The following EEFSEC variants were observed in gnomAD, a reference collection of about 807,000 sequenced individuals.
The protein encoded by EEFSEC is eukaryotic elongation factor, selenocysteine-tRNA specific.
A neutral mutation model predicts 42.1 loss-of-function variants in EEFSEC; 43 were observed. The observed-to-expected ratio is 1.02, with a 90% CI of 0.80 to 1.32. The LOEUF (loss-of-function observed/expected upper bound fraction) is 1.32. Among genes scored for constraint, EEFSEC ranks in the 40% most tolerant of loss-of-function variants. EEFSEC has a pLI of 0.00. For synonymous variants in EEFSEC, 354 were observed against 339.1 expected, an observed-to-expected ratio of 1.04 and a Z score of -0.48; for missense variants, 745 against 803.6, an observed-to-expected ratio of 0.93 and a Z score of 0.88.
rs188947183 is a variant in EEFSEC at position 128,391,117 on chromosome 3, G to A, written c.1601-16952G>A. Among the ~76,000 whole-genome samples the A allele has an allele frequency of 2.0e-5, 3 of 152,352 alleles. No individual in the cohort carries two copies. The East Asian group carries it at 5.8e-4, about 29-fold the overall frequency. On this transcript the variant is annotated intron_variant, in intron 6 of 6. Coordinates refer to ENST00000254730, the MANE Select transcript of EEFSEC (RefSeq NM_021937.5). Reference sequence around the variant, plus strand: ...CCTGCGTGATTCCCTCACCTCTGCAGCCCCGCCCCCGGTGCATGCCTGCAT... The same window carrying A: ...CCTGCGTGATTCCCTCACCTCTGCAACCCCGCCCCCGGTGCATGCCTGCAT...
At chr3:128,358,156 C>T in intron 5 of EEFSEC, 61 bp from the exon 6 acceptor site, 1 of 1,580,654 alleles carries the variant, frequency 6.3e-7, no homozygotes, top group Non-Finnish European at 8.6e-7. Context: ...GGCACACAGT[C>T]ACAGCTCTTT....
At chr3:128,375,311 G>A (rs1350444764) in intron 6 of EEFSEC, among the ~76,000 whole-genome samples, 2 of 152,176 alleles carry the variant, frequency 1.3e-5, no homozygotes, top group Non-Finnish European at 1.5e-5. Flanking sequence ...CTCTTCATGT[G>A]CCATCTTCCA....
intron 1 of EEFSEC, among the ~76,000 whole-genome samples, chr3:128,210,354 A>G (rs2065743666): frequency 2.0e-5 from 3 of 152,198 alleles, no homozygotes; most frequent in Admixed American, 6.5e-5. Context: ...TTCTGCAGGA[A>G]GTCAGTATGT....
At chr3:128,191,460 T>A (rs538824702) in intron 1 of EEFSEC, among the ~76,000 whole-genome samples, 14 of 152,196 alleles carry the variant, frequency 9.2e-5, no homozygotes, top group Admixed American at 5.2e-4. Flanking sequence ...GTATTTTTTT[T>A]ATTATGGTAA....
At chr3:128,259,382 A>G (rs957962293) in intron 2 of EEFSEC, among the ~76,000 whole-genome samples, 1 of 152,256 alleles carries the variant, frequency 6.6e-6, no homozygotes, top group Non-Finnish European at 1.5e-5. Context: ...AATGCAATAC[A>G]AATTAAAATG....
Position 128,394,630 on chromosome 3 carries a change from GTGTT to G in EEFSEC, c.1601-13436_1601-13433del, listed in dbSNP as rs537684908. 3.1e-3 allele frequency among the ~76,000 whole-genome samples: 478 copies of G among 152,316 alleles called. 5 individuals carry two copies. The highest frequency in any genetic ancestry group is 0.018 in the East Asian group (94 of 5,186). On this transcript the variant is annotated intron_variant, in intron 6 of 6. Transcript: ENST00000254730. Reference sequence around the variant, plus strand: ...AAGAGTATACACATTTAGGGAGTGAGTGTTTGGAGTATTAAAATTCGGCTCCCTT... The same window carrying G: ...AAGAGTATACACATTTAGGGAGTGAGTGGAGTATTAAAATTCGGCTCCCTT...
intron 5 of EEFSEC, among the ~76,000 whole-genome samples, chr3:128,345,829 T>C (rs1160077704): frequency 2.0e-5 from 3 of 152,262 alleles, no homozygotes; most frequent in Non-Finnish European, 2.9e-5. Flanking sequence ...TGATCCCATT[T>C]CCTATAAAGG....
intron 1 of EEFSEC, among the ~76,000 whole-genome samples, chr3:128,189,229 G>C (rs1427688629): frequency 6.6e-6 from 1 of 152,198 alleles, no homozygotes; most frequent in African/African-American, 2.4e-5. Flanking sequence ...CTCCCTCCTT[G>C]ACAAGCGCCT....
At chr3:128,322,326 A>G (rs2067016491) in intron 4 of EEFSEC, among the ~76,000 whole-genome samples, 1 of 152,188 alleles carries the variant, frequency 6.6e-6, no homozygotes, top group South Asian at 2.1e-4. Context: ...CCGTGTCCCT[A>G]CCTGGGAGCC....
downstream of EEFSEC, among the ~76,000 whole-genome samples, chr3:128,412,987 G>T (rs1457763100): frequency 6.6e-6 from 1 of 152,178 alleles, no homozygotes; most frequent in Admixed American, 6.5e-5. Flanking sequence ...ACAGGCAGGG[G>T]GATGGGGCAT....
chr3:128,310,773 C>T (rs973004718), intron 4 of EEFSEC, among the ~76,000 whole-genome samples: 1 of 152,268 alleles, frequency 6.6e-6, no homozygotes, highest in African/African-American at 2.4e-5. Context: ...ATTGCCACCT[C>T]AGTTTGGAAA....
At chr3:128,387,705 C>T (rs1280387407) in intron 6 of EEFSEC, among the ~76,000 whole-genome samples, 1 of 152,078 alleles carries the variant, frequency 6.6e-6, no homozygotes, top group African/African-American at 2.4e-5. Context: ...GCCCCTGTGG[C>T]ACCACCAAGA....
At chr3:128,309,921 C>G (rs561721087) in intron 4 of EEFSEC, among the ~76,000 whole-genome samples, 1 of 152,216 alleles carries the variant, frequency 6.6e-6, no homozygotes, top group Non-Finnish European at 1.5e-5. Flanking sequence ...TGATCTTATT[C>G]AAATGTCAGC....
intron 4 of EEFSEC, among the ~76,000 whole-genome samples, chr3:128,273,066 C>T (rs1391004918): frequency 2.0e-5 from 3 of 152,204 alleles, no homozygotes; most frequent in African/African-American, 4.8e-5. Flanking sequence ...CAGGGCTTGA[C>T]GTAAGCCTCA....
intron 6 of EEFSEC, among the ~76,000 whole-genome samples, chr3:128,376,356 G>A (rs1489458700): frequency 1.3e-5 from 2 of 152,210 alleles, no homozygotes; most frequent in Non-Finnish European, 2.9e-5. Context: ...CACTGGCATG[G>A]CCTTACCATC....
intron 2 of EEFSEC, among the ~76,000 whole-genome samples, chr3:128,257,823 C>T (rs1046812144): frequency 1.3e-4 from 20 of 152,192 alleles, no homozygotes; most frequent in Admixed American, 3.3e-4. Flanking sequence ...GTGGCCTGTG[C>T]GCGTCAAGCT....
At chr3:128,420,432 C>G in the EEFSEC span, among the ~76,000 whole-genome samples, 1 of 152,216 alleles carries the variant, frequency 6.6e-6, no homozygotes, top group Non-Finnish European at 1.5e-5. Context: ...CCTGAGCCCA[C>G]AGCCTCCCAG....
chr3:128,312,361 A>G (rs549161768), intron 4 of EEFSEC, among the ~76,000 whole-genome samples: 2 of 152,332 alleles, frequency 1.3e-5, no homozygotes, highest in East Asian at 3.9e-4. Context: ...ACCTGGACCT[A>G]GGCCAGCTCT....
intron 6 of EEFSEC, among the ~76,000 whole-genome samples, chr3:128,400,606 G>A (rs748923793): frequency 8.5e-5 from 13 of 152,364 alleles, no homozygotes; most frequent in African/African-American, 2.2e-4. Context: ...GCCCCACAGG[G>A]CCACAAAGGG....
Sources: gnomAD v4.1 joint callset for allele counts (sites outside exome capture counted in the v4.1 genomes callset) on GRCh38, gnomAD v4.1.1 for gene constraint, MANE v1.5 for transcripts, NCBI Gene and HGNC (gene_info 2026-07-23, HGNC 2026-07-21) for gene names.